The following TTC3 variants were observed in gnomAD, a reference collection of about 807,000 sequenced individuals.
TTC3 encodes E3 ubiquitin-protein ligase TTC3.
In TTC3, 180 loss-of-function variants were observed where a neutral mutation model predicts 249.6. That is an observed-to-expected ratio of 0.72 (90% CI 0.64 to 0.82). The LOEUF (loss-of-function observed/expected upper bound fraction) is 0.82. Among genes scored for constraint, TTC3 ranks in the 40% least tolerant of loss-of-function variants. TTC3 has a pLI of 0.00. For synonymous variants in TTC3, 717 were observed against 805.0 expected (o/e 0.89, Z 1.85); for missense variants, 2,061 against 2,398.4 (o/e 0.86, Z 2.94).
chr21:37,092,887 C>T (rs1409449301), intron 7 of TTC3, among the ~76,000 whole-genome samples: 3 of 152,072 alleles, frequency 2.0e-5, no homozygotes, highest in Admixed American at 2.0e-4. Context: ...TAGTTACTTA[C>T]TGCATCTTAA....
chr21:37,170,466 T>G (rs1307926284), intron 34 of TTC3, among the ~76,000 whole-genome samples: 2 of 152,216 alleles, frequency 1.3e-5, no homozygotes, highest in Non-Finnish European at 2.9e-5. Flanking sequence ...TAGGAATCGA[T>G]CTGCACTCAT....
intron 1 of TTC3, among the ~76,000 whole-genome samples, chr21:37,077,040 T>C (rs2070984460): frequency 6.6e-6 from 1 of 151,976 alleles, no homozygotes; most frequent in African/African-American, 2.4e-5. Context: ...AGGGAAAGCC[T>C]CTTTTAATCC....
At chr21:37,187,333 G>A (rs935480906) in intron 38 of TTC3, among the ~76,000 whole-genome samples, 188 bp downstream of exon 38, 3 of 152,020 alleles carry the variant, frequency 2.0e-5, no homozygotes, top group Non-Finnish European at 4.4e-5. Flanking sequence ...ATGTTTTACC[G>A]GTATTATGTT....
intron 1 of TTC3, chr21:37,083,184 A>T (rs544416704): frequency 3.0e-6 from 3 of 985,392 alleles, no homozygotes; most frequent in South Asian, 9.4e-5. Flanking sequence ...GAACTAATAG[A>T]CATTAGGTGG....
At chr21:37,166,379 C>G (rs1355895473) in exon 33 of TTC3, 2 of 1,614,192 alleles carry the variant, frequency 1.2e-6, no homozygotes, top group South Asian at 1.1e-5. Context: ...TGAGGGTCAT[C>G]ATTTGAATGC....
intron 21 of TTC3, among the ~76,000 whole-genome samples, chr21:37,146,440 G>A (rs895285584): frequency 3.3e-5 from 5 of 152,018 alleles, no homozygotes; most frequent in South Asian, 2.1e-4. Flanking sequence ...GGTCAGTTGA[G>A]CCCAGGAGGC....
intron 35 of TTC3, among the ~76,000 whole-genome samples, chr21:37,176,291 G>A (rs1472057459): frequency 6.6e-6 from 1 of 152,050 alleles, no homozygotes; most frequent in East Asian, 1.9e-4. Context: ...TCACATTATT[G>A]TGTAACCATT....
exon 38 of TTC3, chr21:37,187,113 G>A: frequency 6.3e-7 from 1 of 1,579,920 alleles, no homozygotes; most frequent in South Asian, 1.2e-5. Context: ...AGAGGATTAT[G>A]AAGAGAGTCA....
intron 21 of TTC3, 52 bp downstream of exon 21, chr21:37,144,697 T>C (rs902957669): frequency 1.3e-6 from 2 of 1,572,700 alleles, no homozygotes; most frequent in Non-Finnish European, 1.7e-6. Context: ...TTATCTGCAT[T>C]GACTGACTCA....
In TTC3 at chr21:37,092,089, T is replaced by A. The variant is rs569857187; in HGVS notation, c.601+676T>A. Reference sequence around the variant, plus strand: ...TTTATTTTCTTCATGAATCTGTTGTTCTTTTATGTATGAGGTAACTGCCTT... The same window carrying A: ...TTTATTTTCTTCATGAATCTGTTGTACTTTTATGTATGAGGTAACTGCCTT... On this transcript the variant is annotated intron_variant, in intron 7 of 45. Coordinates refer to ENST00000355666, the Ensembl canonical transcript of TTC3. Among the ~76,000 whole-genome samples the A allele has an allele frequency of 2.7e-4, 41 of 152,338 alleles. 1 individual carries two copies. The South Asian group carries it at 8.5e-3, about 32-fold the overall frequency.
intron 45 of TTC3, 152 bp from the exon 46 acceptor site, chr21:37,201,288 G>C (rs1027156602): frequency 1.1e-6 from 1 of 934,122 alleles, no homozygotes; most frequent in African/African-American, 1.6e-5. Context: ...TCTGGCCTGA[G>C]CGGGTGTTGG....
chr21:37,159,837 C>A, intron 29 of TTC3, 92 bp downstream of exon 29: 1 of 1,207,674 alleles, frequency 8.3e-7, no homozygotes, highest in Non-Finnish European at 1.2e-6. Context: ...ATTGACATCA[C>A]AGCCAGCATT....
intron 19 of TTC3, among the ~76,000 whole-genome samples, chr21:37,140,198 C>T (rs2078309791): frequency 6.6e-6 from 1 of 151,760 alleles, no homozygotes; most frequent in African/African-American, 2.4e-5. Flanking sequence ...TTAATAGGAT[C>T]TATGTTATGG....
chr21:37,136,199 A>G (rs939747917), intron 18 of TTC3, among the ~76,000 whole-genome samples: 2 of 152,082 alleles, frequency 1.3e-5, no homozygotes, highest in East Asian at 2.0e-4. Context: ...AATTAGGCCA[A>G]TTAATGACCC....
At chr21:37,154,717 A>T (rs947747479) in intron 27 of TTC3, among the ~76,000 whole-genome samples, 4 of 151,910 alleles carry the variant, frequency 2.6e-5, no homozygotes, top group African/African-American at 9.7e-5. Flanking sequence ...TTTTTTTGAG[A>T]CAGAGTGTCG....
chr21:37,108,081 T>C (rs966693391), intron 10 of TTC3: 4 of 196,898 alleles, frequency 2.0e-5, no homozygotes, highest in African/African-American at 4.8e-5. Context: ...CGAGACTCTG[T>C]CTCAAAAAAA....
rs146742647 is a variant in TTC3 at position 37,076,386 on chromosome 21, T to G, written c.-12+3022T>G. ...TTTTGCTGTTATGAAGTTATATACTTTTTGGTTCACAGTTGTAAGAATTTT... is the reference window on the plus strand; with the variant it reads ...TTTTGCTGTTATGAAGTTATATACTGTTTGGTTCACAGTTGTAAGAATTTT... On this transcript the variant is annotated intron_variant, in intron 1 of 45. Coordinates refer to ENST00000355666, the Ensembl canonical transcript of TTC3. Among the ~76,000 whole-genome samples the G allele has an allele frequency of 1.0e-3, 153 of 152,348 alleles. 4 individuals carry two copies. The highest frequency in any genetic ancestry group is 9.6e-3 in the Admixed American group (147 of 15,302).
At chr21:37,177,728 G>T (rs2082398202) in intron 35 of TTC3, among the ~76,000 whole-genome samples, 1 of 152,142 alleles carries the variant, frequency 6.6e-6, no homozygotes, top group Non-Finnish European at 1.5e-5. Flanking sequence ...GTTGTTGATG[G>T]CAACCTCAGG....
At chr21:37,105,839 T>C (rs1018769611) in intron 10 of TTC3, among the ~76,000 whole-genome samples, 1 of 152,270 alleles carries the variant, frequency 6.6e-6, no homozygotes, top group African/African-American at 2.4e-5. Flanking sequence ...ATTGCATGAA[T>C]ATACCACATT....
Sources: gnomAD v4.1 joint callset for allele counts (sites outside exome capture counted in the v4.1 genomes callset) on GRCh38, gnomAD v4.1.1 for gene constraint, MANE v1.5 for transcripts, NCBI Gene and HGNC (gene_info 2026-07-23, HGNC 2026-07-21) for gene names.